SCAPER: variants seen among roughly 807,000 people sequenced by gnomAD.
The protein encoded by SCAPER is S phase cyclin A-associated protein in the endoplasmic reticulum.
In SCAPER, 98 loss-of-function variants were observed where a neutral mutation model predicts 182.2. The ratio of observed to expected loss-of-function variants is 0.54; its 90% CI spans 0.46 to 0.64. The LOEUF is 0.64. SCAPER is among the 30% of genes least tolerant of loss of function. The pLI is 0.00. For synonymous variants in SCAPER, 605 were observed against 564.6 expected (o/e 1.07, Z -1.01); for missense variants, 1,432 against 1,690.0 (o/e 0.85, Z 2.68).
At chr15:76,424,994 G>A (rs1337990458) in intron 26 of SCAPER, among the ~76,000 whole-genome samples, 1 of 152,212 alleles carries the variant, frequency 6.6e-6, no homozygotes, top group African/African-American at 2.4e-5. Flanking sequence ...TCAGCTGTTA[G>A]TCTGATGGGC....
intron 2 of SCAPER, among the ~76,000 whole-genome samples, chr15:76,864,243 T>C (rs989055013): frequency 4.6e-5 from 7 of 152,252 alleles, no homozygotes; most frequent in Admixed American, 2.6e-4. Flanking sequence ...TTCGCTTTGC[T>C]TGTCTGAAAC....
At chr15:76,809,610 C>A (rs2066439940) in intron 5 of SCAPER, among the ~76,000 whole-genome samples, 1 of 151,964 alleles carries the variant, frequency 6.6e-6, no homozygotes, top group South Asian at 2.1e-4. Flanking sequence ...AAGGGACTTA[C>A]AGAGCAGCAT....
intron 24 of SCAPER, among the ~76,000 whole-genome samples, chr15:76,502,832 T>G (rs1349810944): frequency 6.6e-6 from 1 of 152,214 alleles, no homozygotes; most frequent in Non-Finnish European, 1.5e-5. Context: ...GGCACTGGTC[T>G]GGACTCTCAA....
chr15:76,705,842 T>C (rs1338419809), intron 18 of SCAPER, 61 bp downstream of exon 18: 3 of 1,118,522 alleles, frequency 2.7e-6, no homozygotes, highest in Non-Finnish European at 3.8e-6. Flanking sequence ...CTACAAAATT[T>C]TGATCTCATG....
At chr15:76,505,998 A>C (rs916794072) in intron 23 of SCAPER, among the ~76,000 whole-genome samples, 2 of 152,226 alleles carry the variant, frequency 1.3e-5, no homozygotes, top group African/African-American at 4.8e-5. Context: ...CAGGTGAAGT[A>C]AGACGAACTT....
chr15:76,742,141 T>C (rs1263443330), intron 15 of SCAPER, among the ~76,000 whole-genome samples: 1 of 151,932 alleles, frequency 6.6e-6, no homozygotes, highest in African/African-American at 2.4e-5. Flanking sequence ...CTCAGAAAAG[T>C]CTTTTAAACT....
intron 16 of SCAPER, among the ~76,000 whole-genome samples, chr15:76,732,394 T>C (rs1328967211): frequency 6.6e-6 from 1 of 152,136 alleles, no homozygotes; most frequent in Admixed American, 6.6e-5. Context: ...ATCCTTGCTC[T>C]ACAATCATAA....
intron 29 of SCAPER, among the ~76,000 whole-genome samples, chr15:76,357,905 TAG>T (rs1332879119): frequency 1.3e-5 from 2 of 151,960 alleles, no homozygotes; most frequent in South Asian, 2.1e-4. Context: ...CACATGAACA[TAG>T]AGAGTGAAAG....
intron 15 of SCAPER, among the ~76,000 whole-genome samples, chr15:76,742,466 TAAAAAAAAAAAAAAAAA>T (rs55751202): frequency 5.4e-5 from 2 of 37,026 alleles, no homozygotes; most frequent in Admixed American, 5.2e-4. Context: ...TGTCTTTTCC[TAAAAAAAAAAAAAAAAA>T]AAAAAAAAAA....
intron 21 of SCAPER, among the ~76,000 whole-genome samples, chr15:76,626,705 A>T (rs2052611482): frequency 6.6e-6 from 1 of 152,212 alleles, no homozygotes; most frequent in South Asian, 2.1e-4. Context: ...TGACAGAGAG[A>T]GATTCTGTCT....
At chr15:76,486,232 A>C (rs1436223568) in intron 24 of SCAPER, among the ~76,000 whole-genome samples, 3 of 151,944 alleles carry the variant, frequency 2.0e-5, no homozygotes, top group Non-Finnish European at 4.4e-5. Context: ...AAACAAACAA[A>C]TACCCAAAAA....
intron 24 of SCAPER, 122 bp downstream of exon 24, chr15:76,504,737 A>AAGATTTTGGTATTC (rs1473269326): frequency 5.6e-6 from 4 of 714,170 alleles, no homozygotes; most frequent in Admixed American, 3.3e-5. Flanking sequence ...TGGGGAGTGT[A>AAGATTTTGGTATTC]AGATTTTGGT....
chr15:76,697,933 C>T (rs1038629281), intron 20 of SCAPER, among the ~76,000 whole-genome samples: 4 of 152,028 alleles, frequency 2.6e-5, no homozygotes, highest in African/African-American at 9.7e-5. Flanking sequence ...AGCCACCGCG[C>T]CTGGCCACAA....
At chr15:76,850,561 G>C (rs2070635918) in intron 4 of SCAPER, among the ~76,000 whole-genome samples, 1 of 152,104 alleles carries the variant, frequency 6.6e-6, no homozygotes, top group Non-Finnish European at 1.5e-5. Context: ...GGCTGAGCTG[G>C]CTGAAATGAC....
intron 23 of SCAPER, among the ~76,000 whole-genome samples, chr15:76,522,829 T>A (rs1201907525): frequency 6.6e-6 from 1 of 152,082 alleles, no homozygotes; most frequent in Admixed American, 6.6e-5. Flanking sequence ...TATGTATAAA[T>A]AGAGCTGTTA....
chr15:76,760,100 T>C (rs1280185544), intron 14 of SCAPER, among the ~76,000 whole-genome samples: 1 of 152,196 alleles, frequency 6.6e-6, no homozygotes, highest in Non-Finnish European at 1.5e-5. Context: ...ACCACTTCTC[T>C]GATGCCAGCT....
At chr15:76,626,576 G>T (rs146279543) in intron 21 of SCAPER, among the ~76,000 whole-genome samples, 8 of 152,180 alleles carry the variant, frequency 5.3e-5, no homozygotes, top group Non-Finnish European at 1.2e-4. Flanking sequence ...AATTAGCTGG[G>T]TGTGGTGGCG....
chr15:76,578,338 C>T (rs2048009808), intron 22 of SCAPER, among the ~76,000 whole-genome samples: 1 of 152,050 alleles, frequency 6.6e-6, no homozygotes, highest in Admixed American at 6.5e-5. Flanking sequence ...ATTGCTGAGC[C>T]CTAGGGGGAC....
rs145704941 is a variant in SCAPER at position 76,613,836 on chromosome 15, G to A, written c.2711+7928C>T. ...GAGTGTAAATTAGTTCGGCCATTGTGGAAGACAGTGTGGTGATTCCTCAAA... is the reference window on the plus strand; with the variant it reads ...GAGTGTAAATTAGTTCGGCCATTGTAGAAGACAGTGTGGTGATTCCTCAAA... On this transcript the variant is annotated intron_variant, in intron 22 of 31. Transcript: ENST00000563290. Among the ~76,000 whole-genome samples, 551 of 152,308 alleles carry A rather than the reference G, an allele frequency of 3.6e-3. 2 individuals carry two copies. Among genetic ancestry groups the A allele is most frequent in the African/African-American group, 0.013 (529 of 41,562 alleles).
Sources: gnomAD v4.1 joint callset for allele counts (sites outside exome capture counted in the v4.1 genomes callset) on GRCh38, gnomAD v4.1.1 for gene constraint, MANE v1.5 for transcripts, NCBI Gene and HGNC (gene_info 2026-07-23, HGNC 2026-07-21) for gene names.